ANKRD44: variants seen among roughly 807,000 people sequenced by gnomAD.
ANKRD44 encodes ankyrin repeat domain 44, also known as serine/threonine-protein phosphatase 6 regulatory ankyrin repeat subunit B.
In ANKRD44, 35 loss-of-function variants were observed where a neutral mutation model predicts 116.0. The ratio of observed to expected loss-of-function variants is 0.30; its 90% CI spans 0.23 to 0.40. The LOEUF (loss-of-function observed/expected upper bound fraction) is 0.40, where lower values mean the gene tolerates loss of function less well. Among genes scored for constraint, ANKRD44 ranks in the 10% least tolerant of loss-of-function variants. The pLI is 1.00. For missense variants in ANKRD44, 1,014 were observed against 1,242.6 expected (o/e 0.82, Z 2.77); for synonymous variants, 435 against 461.8 (o/e 0.94, Z 0.74).
chr2:197,015,329 T>A, intron 17 of ANKRD44: 1 of 484,712 alleles, frequency 2.1e-6, no homozygotes, highest in East Asian at 4.8e-5. Context: ...TTAAAAGGTA[T>A]GGCAAGATTA....
At chr2:197,003,383 G>C (rs1046060044) in intron 21 of ANKRD44, among the ~76,000 whole-genome samples, 3 of 152,218 alleles carry the variant, frequency 2.0e-5, no homozygotes, top group African/African-American at 7.2e-5. Flanking sequence ...AACCGTCATT[G>C]AAATAGTCCC....
Position 196,988,996 on chromosome 2 carries a change from G to C in ANKRD44, c.*595C>G. On this transcript the variant is annotated 3_prime_UTR_variant, in exon 28 of 28. Transcript: ENST00000282272. ...CTAAGCTCTAAGCTGGCTACAGACT[G>C]TGGCTGAGCAGTAGAAGATGCGTAG... The C allele has an allele frequency of 1.0e-6, 1 of 985,476 alleles. No individual in the cohort carries two copies. The highest frequency in any genetic ancestry group is 1.2e-6 in the Non-Finnish European group (1 of 829,972). 61.0% of individuals were successfully genotyped at this position (985,476 alleles called of 1,614,324 possible).
intron 2 of ANKRD44, among the ~76,000 whole-genome samples, chr2:197,167,127 G>T (rs1391452836): frequency 6.6e-6 from 1 of 151,988 alleles, no homozygotes. Flanking sequence ...GCCTCCTCAG[G>T]TGATGTGTAT....
chr2:197,184,626 C>T (rs2080605884), intron 2 of ANKRD44, among the ~76,000 whole-genome samples: 2 of 120,538 alleles, frequency 1.7e-5, no homozygotes, highest in African/African-American at 6.6e-5. Context: ...GGCAGCTGAG[C>T]GAGACTCCAT....
At chr2:197,253,477 ATAG>A (rs1320839230) in intron 1 of ANKRD44, among the ~76,000 whole-genome samples, 9 of 152,340 alleles carry the variant, frequency 5.9e-5, no homozygotes, top group African/African-American at 1.7e-4. Context: ...GTCAATAAAA[ATAG>A]TAGGTGGTTT....
intron 1 of ANKRD44, among the ~76,000 whole-genome samples, chr2:197,299,030 A>G (rs895637566): frequency 1.3e-5 from 2 of 152,196 alleles, no homozygotes; most frequent in African/African-American, 4.8e-5. Flanking sequence ...TAAATCATCA[A>G]ATATCCAGTC....
intron 1 of ANKRD44, among the ~76,000 whole-genome samples, chr2:197,245,390 C>G (rs35323793): frequency 0.11 from 16,142 of 152,136 alleles, 907 homozygotes; most frequent in Non-Finnish European, 0.13. Context: ...AGGTTATGTG[C>G]AAATACGACA....
intron 1 of ANKRD44, among the ~76,000 whole-genome samples, chr2:197,233,981 C>A (rs2081923790): frequency 6.6e-6 from 1 of 152,200 alleles, no homozygotes; most frequent in South Asian, 2.1e-4. Context: ...TACTGCATTG[C>A]ACACTTAAAA....
At chr2:197,099,018 G>T (rs528733500) in intron 10 of ANKRD44, among the ~76,000 whole-genome samples, 1 of 151,914 alleles carries the variant, frequency 6.6e-6, no homozygotes, top group African/African-American at 2.4e-5. Flanking sequence ...TTTTGTTCCC[G>T]CTTTCCTCCC....
rs71012964 is a variant in ANKRD44, at chr2:197,236,713, C to CAAA, written c.28-49610_28-49608dup. On this transcript the variant is annotated intron_variant, in intron 1 of 27. Coordinates refer to ENST00000282272, the MANE Select transcript of ANKRD44 (RefSeq NM_001195144.2). ...TCATCTCTCCCTGCAACAAACTACT[C>CAAA]AAAAAAAAAAAAAAAGAATAAAAGA... Among the ~76,000 whole-genome samples, 287 of 105,224 alleles carry CAAA rather than the reference C, an allele frequency of 2.7e-3. 2 individuals are homozygous for CAAA. The highest frequency in any genetic ancestry group is 6.4e-3 in the African/African-American group (202 of 31,318). The allele number at this position is 105,224 out of a possible 152,430, so 69.0% of individuals were successfully genotyped here.
chr2:196,972,403 T>C (rs1216022429), intron 21 of ANKRD44, among the ~76,000 whole-genome samples: 1 of 152,148 alleles, frequency 6.6e-6, no homozygotes, highest in Non-Finnish European at 1.5e-5. Context: ...GATTTCCTTA[T>C]GTTGGCCAGG....
chr2:197,054,561 C>G (rs193093000), intron 16 of ANKRD44, among the ~76,000 whole-genome samples: 1 of 152,322 alleles, frequency 6.6e-6, no homozygotes, highest in East Asian at 1.9e-4. Flanking sequence ...ACATACCACT[C>G]AGCTAGTGAG....
chr2:197,153,255 CAAGAAGAAGAGG>C (rs2079707624), intron 2 of ANKRD44, among the ~76,000 whole-genome samples: 1 of 129,616 alleles, frequency 7.7e-6, no homozygotes, highest in Admixed American at 8.1e-5. Context: ...AAAGAAGAAA[CAAGAAGAAGAGG>C]AAGAAGAGGA....
chr2:196,987,024 C>T lies in ANKRD44; in HGVS notation c.*2567G>A. 1.0e-6 allele frequency: 1 copy of T among 985,200 alleles called. No individual in the cohort carries two copies. Among genetic ancestry groups the T allele is most frequent in the Non-Finnish European group, 1.2e-6 (1 of 829,736 alleles). The allele number at this position is 985,200 out of a possible 1,614,324, so 61.0% of individuals were successfully genotyped here. On this transcript the variant is annotated 3_prime_UTR_variant, in exon 28 of 28. Coordinates refer to ENST00000282272, the MANE Select transcript of ANKRD44 (RefSeq NM_001195144.2). ...TCGTGCTTTACAAAGATATATTGCA[C>T]ATGCTAGAGCATAAAATATGTAGAC...
At chr2:197,025,928 G>A (rs1248539588) in intron 16 of ANKRD44, among the ~76,000 whole-genome samples, 2 of 152,042 alleles carry the variant, frequency 1.3e-5, no homozygotes, top group African/African-American at 2.4e-5. Context: ...CTAGGGCATC[G>A]TGTTAGTGAG....
chr2:197,309,631 G>A (rs139871799), intron 1 of ANKRD44, among the ~76,000 whole-genome samples: 2 of 152,248 alleles, frequency 1.3e-5, no homozygotes, highest in East Asian at 3.9e-4. Flanking sequence ...CTGCCTACCA[G>A]GACCCCAAAA....
At chr2:197,241,884 C>G (rs1417264766) in intron 1 of ANKRD44, among the ~76,000 whole-genome samples, 1 of 152,004 alleles carries the variant, frequency 6.6e-6, no homozygotes, top group Non-Finnish European at 1.5e-5. Flanking sequence ...AGCCAAAAAC[C>G]TTCAAACATA....
intron 3 of ANKRD44, 66 bp downstream of exon 3, chr2:197,146,961 C>T: frequency 6.9e-7 from 1 of 1,439,978 alleles, no homozygotes; most frequent in Non-Finnish European, 9.7e-7. Flanking sequence ...CTGTAGTAGT[C>T]AATCTAGTAA....
chr2:197,169,106 A>C (rs2080167605), intron 2 of ANKRD44, among the ~76,000 whole-genome samples: 4 of 146,486 alleles, frequency 2.7e-5, no homozygotes, highest in South Asian at 2.2e-4. Context: ...CCCCTCCTTC[A>C]CTCTCCTTCA....
Sources: gnomAD v4.1 joint callset for allele counts (sites outside exome capture counted in the v4.1 genomes callset) on GRCh38, gnomAD v4.1.1 for gene constraint, MANE v1.5 for transcripts, NCBI Gene and HGNC (gene_info 2026-07-23, HGNC 2026-07-21) for gene names.